Variants in WASF3 observed in about 807,000 individuals in gnomAD.
WASF3 encodes WASP family member 3.
A neutral mutation model predicts 46.6 loss-of-function variants in WASF3; 11 were observed. The observed-to-expected ratio is 0.24, with a 90% CI of 0.15 to 0.39. The LOEUF (loss-of-function observed/expected upper bound fraction) is 0.39, where lower values mean the gene tolerates loss of function less well. Among genes scored for constraint, WASF3 ranks in the 10% least tolerant of loss-of-function variants. WASF3 has a pLI of 1.00. For missense variants in WASF3, 576 were observed against 669.8 expected (o/e 0.86, Z 1.55); for synonymous variants, 242 against 259.7 (o/e 0.93, Z 0.65).
At chr13:26,578,729 TG>T (rs1426397918) in intron 1 of WASF3, among the ~76,000 whole-genome samples, 1 of 152,160 alleles carries the variant, frequency 6.6e-6, no homozygotes, top group Admixed American at 6.5e-5. Context: ...CTAACCTCTC[TG>T]GGACCTATGA....
chr13:26,641,520 AG>A (rs1881996660), intron 2 of WASF3, among the ~76,000 whole-genome samples: 1 of 152,182 alleles, frequency 6.6e-6, no homozygotes, highest in South Asian at 2.1e-4. Context: ...CAGGAGATGG[AG>A]ATAAGCCTCA....
At chr13:26,629,913 T>C (rs1329184030) in intron 2 of WASF3, among the ~76,000 whole-genome samples, 5 of 152,198 alleles carry the variant, frequency 3.3e-5, no homozygotes, top group Non-Finnish European at 5.9e-5. Flanking sequence ...TGGCAGGTCC[T>C]AGGGCCTTGC....
At chr13:26,562,903 TTCTTTTC>T (rs1424978358) in intron 1 of WASF3, among the ~76,000 whole-genome samples, 3 of 134,866 alleles carry the variant, frequency 2.2e-5, no homozygotes, top group African/African-American at 8.5e-5. Context: ...CCCTTTTCTT[TTCTTTTC>T]TCTTTTCTTT....
chr13:26,646,355 T>G (rs1175758997), intron 3 of WASF3, among the ~76,000 whole-genome samples: 1 of 152,234 alleles, frequency 6.6e-6, no homozygotes, highest in Non-Finnish European at 1.5e-5. Flanking sequence ...TTTAGGAATG[T>G]ATGAGCCTAT....
intron 1 of WASF3, chr13:26,577,004 A>G (rs1281579991): frequency 1.4e-5 from 10 of 713,144 alleles, no homozygotes; most frequent in African/African-American, 1.2e-4. Flanking sequence ...TCTGTGTTCA[A>G]TATAAGGAAT....
At chr13:26,591,619 G>C (rs1417321668) in intron 1 of WASF3, among the ~76,000 whole-genome samples, 1 of 152,150 alleles carries the variant, frequency 6.6e-6, no homozygotes, top group South Asian at 2.1e-4. Context: ...TTTTGGGCAT[G>C]TTATATTTCA....
chr13:26,651,406 A>G (rs917042456), intron 3 of WASF3, among the ~76,000 whole-genome samples: 1 of 152,204 alleles, frequency 6.6e-6, no homozygotes, highest in Non-Finnish European at 1.5e-5. Context: ...AAGAGGAAAA[A>G]TATACATCAT....
At chr13:26,541,698 G>A in the WASF3 span, among the ~76,000 whole-genome samples, 3 of 151,880 alleles carry the variant, frequency 2.0e-5, no homozygotes, top group East Asian at 1.9e-4. Context: ...GACCAGGCTG[G>A]TATCAAACTC....
intron 9 of WASF3, 130 bp from the exon 10 acceptor site, chr13:26,685,558 C>T (rs1365123930): frequency 1.3e-5 from 14 of 1,105,316 alleles, no homozygotes; most frequent in Non-Finnish European, 1.6e-5. Context: ...GCTTTTCTCC[C>T]CTCAAATTTC....
Position 26,630,866 on chromosome 13 carries a change from A to G in WASF3, c.-10-11395A>G, listed in dbSNP as rs569618570. 3.9e-5 allele frequency among the ~76,000 whole-genome samples: 6 copies of G among 152,252 alleles called. No homozygotes were observed. In the South Asian group the frequency reaches 8.3e-4, roughly 21 times the overall value. On this transcript the variant is annotated intron_variant, in intron 2 of 9. Transcript: ENST00000335327. ...TGATTGCCATTCTAACTGGTGTGAGATGGTATCTCATTGTGGTTTTGATTT... is the reference window on the plus strand; with the variant it reads ...TGATTGCCATTCTAACTGGTGTGAGGTGGTATCTCATTGTGGTTTTGATTT...
At chr13:26,637,005 C>T (rs572025292) in intron 2 of WASF3, among the ~76,000 whole-genome samples, 2 of 152,360 alleles carry the variant, frequency 1.3e-5, no homozygotes, top group African/African-American at 4.8e-5. Context: ...ATCTGCCACC[C>T]TCTGGAGCAT....
chr13:26,638,633 T>C (rs895718076), intron 2 of WASF3: 3 of 152,238 alleles, frequency 2.0e-5, no homozygotes, highest in Non-Finnish European at 2.9e-5. Flanking sequence ...GGGTAATCAC[T>C]GACCCAGCAT....
At chr13:26,681,354 T>G in intron 8 of WASF3, 34 bp downstream of exon 8, 1 of 1,515,610 alleles carries the variant, frequency 6.6e-7, no homozygotes, top group South Asian at 1.3e-5. Context: ...TAATCCCTCC[T>G]GGCCTTGCAT....
intron 1 of WASF3, chr13:26,576,884 C>G (rs1338040075): frequency 2.7e-6 from 2 of 728,596 alleles, no homozygotes; most frequent in East Asian, 2.9e-5. Flanking sequence ...CTGAGCAGCA[C>G]CATGGCTGTT....
intron 1 of WASF3, among the ~76,000 whole-genome samples, chr13:26,559,804 C>CT (rs772509989): frequency 0.032 from 1,588 of 49,956 alleles, 109 homozygotes; most frequent in African/African-American, 0.049. Flanking sequence ...TTCTTTCTTT[C>CT]TTTCTTTTTT....
intron 2 of WASF3, among the ~76,000 whole-genome samples, chr13:26,626,951 G>A (rs946970094): frequency 1.3e-5 from 2 of 152,150 alleles, no homozygotes; most frequent in Non-Finnish European, 2.9e-5. Context: ...GAGGACAGTA[G>A]GAAGTAAAAT....
intron 2 of WASF3, among the ~76,000 whole-genome samples, chr13:26,629,213 T>C (rs1050686343): frequency 6.6e-6 from 1 of 152,194 alleles, no homozygotes; most frequent in Non-Finnish European, 1.5e-5. Context: ...TTGTGTTCAG[T>C]GTCTCTTTGG....
chr13:26,607,998 G>GGCCT (rs1880852997), intron 1 of WASF3, among the ~76,000 whole-genome samples: 1 of 144,676 alleles, frequency 6.9e-6, no homozygotes, highest in Admixed American at 7.1e-5. Context: ...GGTCTACTGG[G>GGCCT]GCCTAGTACA....
chr13:26,597,711 C>T (rs1332292813), intron 1 of WASF3, among the ~76,000 whole-genome samples: 4 of 152,008 alleles, frequency 2.6e-5, no homozygotes, highest in Admixed American at 6.6e-5. Flanking sequence ...TGAGAACGTG[C>T]GGTGTTTGGT....
Sources: gnomAD v4.1 joint callset for allele counts (sites outside exome capture counted in the v4.1 genomes callset) on GRCh38, gnomAD v4.1.1 for gene constraint, MANE v1.5 for transcripts, NCBI Gene and HGNC (gene_info 2026-07-23, HGNC 2026-07-21) for gene names.